Variants in KCTD8 observed in about 807,000 individuals in gnomAD.
The protein encoded by KCTD8 is potassium channel tetramerization domain containing 8, also known as BTB/POZ domain-containing protein KCTD8.
KCTD8 carries 27 observed loss-of-function variants against 31.5 expected under a neutral mutation model. That is an observed-to-expected ratio of 0.86 (90% CI 0.63 to 1.18). The LOEUF (loss-of-function observed/expected upper bound fraction) is 1.18, where lower values mean the gene tolerates loss of function less well. Ranked by LOEUF, KCTD8 falls within the 50% of genes most tolerant of loss-of-function variation. KCTD8 has a pLI of 0.00. For missense variants in KCTD8, 658 were observed against 647.7 expected (o/e 1.02, Z -0.17); for synonymous variants, 290 against 280.0 (o/e 1.04, Z -0.36).
intron 1 of KCTD8, among the ~76,000 whole-genome samples, chr4:44,198,897 G>A (rs1298390179): frequency 6.6e-6 from 1 of 152,116 alleles, no homozygotes; most frequent in Non-Finnish European, 1.5e-5. Context: ...AACAGTCGCT[G>A]TCTTCAAAAA....
intron 1 of KCTD8, among the ~76,000 whole-genome samples, chr4:44,289,755 G>T (rs926008637): frequency 6.6e-6 from 1 of 152,124 alleles, no homozygotes; most frequent in African/African-American, 2.4e-5. Flanking sequence ...CCTGCATGGA[G>T]CCTGGGGGAT....
At chr4:44,203,622 G>C (rs1405150290) in intron 1 of KCTD8, among the ~76,000 whole-genome samples, 1 of 150,018 alleles carries the variant, frequency 6.7e-6, no homozygotes, top group East Asian at 1.9e-4. Context: ...ATGAAAGAAA[G>C]GCAGAAAATA....
rs11368270 is a variant in KCTD8 at position 44,357,089 on chromosome 4, CAAA to C, written c.961+90471_961+90473del. Among the ~76,000 whole-genome samples the C allele has an allele frequency of 8.4e-5, 12 of 143,466 alleles. No individual in the cohort carries two copies. The South Asian group carries it at 1.1e-3, about 13-fold the overall frequency. The allele number at this position is 143,466 out of a possible 152,430, so 94.1% of individuals were successfully genotyped here. A position where few individuals can be genotyped will look rare whatever the true frequency, so the allele number is the denominator to read the frequency against. On this transcript the variant is annotated intron_variant, in intron 1 of 1. Coordinates refer to ENST00000360029, the MANE Select transcript of KCTD8 (RefSeq NM_198353.3). ...TTATATCAAAGAAAGGCATTTGAGG[CAAA>C]AAAAAAAAAACCCTTCAAAACAAAC...
chr4:44,217,439 C>T (rs1714680399), intron 1 of KCTD8, among the ~76,000 whole-genome samples: 1 of 151,950 alleles, frequency 6.6e-6, no homozygotes, highest in Admixed American at 6.6e-5. Flanking sequence ...CAGAAGTCTC[C>T]AAAAGGTAAG....
chr4:44,438,610 C>T (rs1019500615), intron 1 of KCTD8, among the ~76,000 whole-genome samples: 5 of 152,148 alleles, frequency 3.3e-5, no homozygotes, highest in African/African-American at 9.7e-5. Flanking sequence ...AAATACATTA[C>T]AATTTATTTT....
chr4:44,280,853 A>G (rs1363260724), intron 1 of KCTD8, among the ~76,000 whole-genome samples: 1 of 152,062 alleles, frequency 6.6e-6, no homozygotes, highest in Non-Finnish European at 1.5e-5. Context: ...GAATGAGTTT[A>G]AATTGGGAGA....
chr4:44,374,041 A>G (rs1484247347), intron 1 of KCTD8, among the ~76,000 whole-genome samples: 2 of 152,216 alleles, frequency 1.3e-5, no homozygotes, highest in Non-Finnish European at 2.9e-5. Flanking sequence ...AGGGAAGATT[A>G]CAACCTTCTT....
intron 1 of KCTD8, among the ~76,000 whole-genome samples, chr4:44,422,883 A>G (rs540168194): frequency 7.2e-5 from 11 of 152,178 alleles, no homozygotes; most frequent in African/African-American, 2.4e-4. Context: ...CTTCAGCCTC[A>G]GGATGGTAGA....
In KCTD8 at chr4:44,380,150, T is replaced by A. The variant is rs553139057; in HGVS notation, c.961+67413A>T. On this transcript the variant is annotated intron_variant, in intron 1 of 1. Transcript: ENST00000360029. ...GCCTCAAGATTACCCCTAGGCAAAC[T>A]GCAGAGAAATAAAATTTACCTCTTC... is the stretch of plus-strand genomic sequence containing the variant. Among the ~76,000 whole-genome samples the A allele has an allele frequency of 2.5e-3, 384 of 152,060 alleles. 3 individuals carry two copies. The highest frequency in any genetic ancestry group is 8.8e-3 in the African/African-American group (365 of 41,558).
At chr4:44,190,332 G>A (rs769916096) in intron 1 of KCTD8, among the ~76,000 whole-genome samples, 11 of 152,132 alleles carry the variant, frequency 7.2e-5, no homozygotes, top group Non-Finnish European at 1.6e-4. Flanking sequence ...ATTAATATTA[G>A]CCTAAATATC....
intron 1 of KCTD8, among the ~76,000 whole-genome samples, chr4:44,331,796 C>G (rs1295111765): frequency 2.7e-5 from 4 of 148,376 alleles, no homozygotes; most frequent in Non-Finnish European, 4.5e-5. Context: ...ACATCTCTCT[C>G]TGTGTGTATA....
chr4:44,290,629 A>AT lies in KCTD8; in HGVS notation c.962-115380dup, dbSNP rs567008229. 1.7e-4 allele frequency among the ~76,000 whole-genome samples: 26 copies of AT among 152,334 alleles called. No individual in the cohort carries two copies. In the East Asian group the frequency reaches 4.4e-3, roughly 26 times the overall value. On this transcript the variant is annotated intron_variant, in intron 1 of 1. Coordinates refer to ENST00000360029, the MANE Select transcript of KCTD8 (RefSeq NM_198353.3). ...AAGCACTCTCTTGGACCACAGTGCA[A>AT]TAAAAATAGAAATCTATACCAAGAA...
intron 1 of KCTD8, among the ~76,000 whole-genome samples, chr4:44,217,033 T>A (rs560433356): frequency 6.0e-5 from 9 of 150,370 alleles, no homozygotes; most frequent in Admixed American, 1.3e-4. Flanking sequence ...ACAATTTTTT[T>A]AAAAACCTAA....
intron 1 of KCTD8, among the ~76,000 whole-genome samples, chr4:44,233,693 C>G (rs1715187884): frequency 6.6e-6 from 1 of 151,944 alleles, no homozygotes; most frequent in South Asian, 2.1e-4. Flanking sequence ...CAAAGGTTAC[C>G]AACATTTAGA....
intron 1 of KCTD8, among the ~76,000 whole-genome samples, chr4:44,406,191 T>A (rs544656112): frequency 1.7e-4 from 26 of 152,236 alleles, no homozygotes; most frequent in African/African-American, 6.0e-4. Context: ...GGGACCAGAC[T>A]TTGGTAGTTC....
At chr4:44,213,730 T>A (rs1283465969) in intron 1 of KCTD8, among the ~76,000 whole-genome samples, 2 of 152,158 alleles carry the variant, frequency 1.3e-5, no homozygotes, top group African/African-American at 4.8e-5. Flanking sequence ...CACCAACACT[T>A]GTTGACAGAC....
intron 1 of KCTD8, among the ~76,000 whole-genome samples, chr4:44,389,478 G>A (rs1467502239): frequency 6.6e-6 from 1 of 151,662 alleles, no homozygotes; most frequent in East Asian, 1.9e-4. Flanking sequence ...AAATAATTTA[G>A]TCACAGAAAG....
intron 1 of KCTD8, among the ~76,000 whole-genome samples, chr4:44,280,859 G>A (rs7664170): frequency 0.91 from 138,159 of 152,066 alleles, 62,974 homozygotes; most frequent in East Asian, 1. Flanking sequence ...GTTTAAATTG[G>A]GAGAAAAAGT....
rs188477836 is a variant in KCTD8 at position 44,439,043 on chromosome 4, T to G, written c.961+8520A>C. 8.0e-4 allele frequency among the ~76,000 whole-genome samples: 122 copies of G among 152,330 alleles called. 3 individuals are homozygous for G. Among genetic ancestry groups the G allele is most frequent in the Non-Finnish European group, 1.5e-5 (1 of 68,024 alleles). On this transcript the variant is annotated intron_variant, in intron 1 of 1. Coordinates refer to ENST00000360029, the MANE Select transcript of KCTD8 (RefSeq NM_198353.3). ...TGATTTAGAAGTATTAAAACATTCA[T>G]TGTGTTCAAGTATTCACCTCTTAGG...
Sources: gnomAD v4.1 joint callset for allele counts (sites outside exome capture counted in the v4.1 genomes callset) on GRCh38, gnomAD v4.1.1 for gene constraint, MANE v1.5 for transcripts, NCBI Gene and HGNC (gene_info 2026-07-23, HGNC 2026-07-21) for gene names.